Variants in INTS15 observed in about 807,000 individuals in gnomAD.
INTS15 encodes the protein uncharacterized protein C7orf26.
At chr7:6,605,899 A>G in the INTS15 span, among the ~76,000 whole-genome samples, 2 of 152,022 alleles carry the variant, frequency 1.3e-5, no homozygotes, top group African/African-American at 2.4e-5. Context: ...GGTTTTCGCC[A>G]TGTTGGCCAG....
At chr7:6,590,095 C>T in the INTS15 span, 25 of 379,572 alleles carry the variant, frequency 6.6e-5, no homozygotes. Flanking sequence ...CCTTCGGGCG[C>T]CTGCTGGCCG....
the INTS15 span, chr7:6,602,208 C>G: frequency 7.2e-7 from 1 of 1,384,648 alleles, no homozygotes; most frequent in South Asian, 1.2e-5. Flanking sequence ...CAAGACAGGG[C>G]GAGCCCCTTT....
chr7:6,597,204 T>C, the INTS15 span, among the ~76,000 whole-genome samples: 1 of 152,160 alleles, frequency 6.6e-6, no homozygotes, highest in Admixed American at 6.6e-5. Flanking sequence ...GGCTTCCTAA[T>C]TGCTGTTAAC....
chr7:6,598,072 G>C, the INTS15 span, among the ~76,000 whole-genome samples: 2 of 152,188 alleles, frequency 1.3e-5, no homozygotes, highest in Admixed American at 6.5e-5. Context: ...TTTTCTACAG[G>C]CTGGTAGAGA....
At chr7:6,597,858 C>T in the INTS15 span, among the ~76,000 whole-genome samples, 3 of 152,184 alleles carry the variant, frequency 2.0e-5, no homozygotes, top group African/African-American at 7.2e-5. Flanking sequence ...CTTCTGGTAA[C>T]AGGAGAGCAT....
chr7:6,605,468 AC>A, the INTS15 span, among the ~76,000 whole-genome samples: 1 of 152,202 alleles, frequency 6.6e-6, no homozygotes, highest in Non-Finnish European at 1.5e-5. Flanking sequence ...ACAGCAGGAT[AC>A]AAATCCTGTG....
the INTS15 span, among the ~76,000 whole-genome samples, chr7:6,594,784 T>G: frequency 0.86 from 131,459 of 152,072 alleles, 57,598 homozygotes; most frequent in African/African-American, 0.97. Context: ...GCAGTGGTGT[T>G]ATCTCAGCTC....
the INTS15 span, chr7:6,590,563 G>T: frequency 7.1e-7 from 1 of 1,403,566 alleles, no homozygotes; most frequent in African/African-American, 1.5e-5. Context: ...TCAAGCCGCG[G>T]GCGCCCCATG....
chr7:6,591,848 G>T, the INTS15 span: 1 of 1,614,062 alleles, frequency 6.2e-7, no homozygotes, highest in East Asian at 2.2e-5. Context: ...GTGTTGGAGT[G>T]TGCTGCCTCC....
At chr7:6,606,898 A>G in the INTS15 span, among the ~76,000 whole-genome samples, 1 of 151,998 alleles carries the variant, frequency 6.6e-6, no homozygotes, top group African/African-American at 2.4e-5. Flanking sequence ...CTGTGGAGAT[A>G]GGGTCTCACT....
At chr7:6,591,721 G>A in the INTS15 span, 10 of 1,614,042 alleles carry the variant, frequency 6.2e-6, 2 homozygotes, top group South Asian at 8.8e-5. Context: ...CAAGGACTCT[G>A]TTCGGCAGAT....
chr7:6,603,175 G>A, the INTS15 span, among the ~76,000 whole-genome samples: 3 of 151,840 alleles, frequency 2.0e-5, no homozygotes, highest in Non-Finnish European at 4.4e-5. Flanking sequence ...ACTTGAACCC[G>A]GAAGGTGGAG....
chr7:6,608,589 A>C, the INTS15 span: 15 of 993,604 alleles, frequency 1.5e-5, no homozygotes, highest in African/African-American at 2.6e-4. Flanking sequence ...CAGGCTGCGT[A>C]GTGACCACAA....
chr7:6,608,295 T>C, the INTS15 span: 2 of 1,450,802 alleles, frequency 1.4e-6, no homozygotes, highest in East Asian at 2.5e-5. Flanking sequence ...CGTCTTGGTG[T>C]CACGGAGTCC....
At chr7:6,600,881 GC>G in the INTS15 span, among the ~76,000 whole-genome samples, 2 of 152,054 alleles carry the variant, frequency 1.3e-5, no homozygotes, top group Admixed American at 6.6e-5. Flanking sequence ...GTCACCTGGT[GC>G]CACCTCTACC....
At chr7:6,607,561 C>T in the INTS15 span, 1 of 1,335,410 alleles carries the variant, frequency 7.5e-7, no homozygotes, top group Non-Finnish European at 9.9e-7. This position sits in a 1 kb window ranked among gnomAD's most constrained non-coding sequence, Gnocchi z 6.0. Context: ...GGGTCGTTTG[C>T]AAGGCCAGCT....
chr7:6,608,259 G>C, the INTS15 span: 1 of 1,489,510 alleles, frequency 6.7e-7, no homozygotes, highest in South Asian at 1.3e-5. Context: ...GGAAGGGGTC[G>C]GGCAGCCCCT....
chr7:6,591,268 C>CTTT, the INTS15 span, among the ~76,000 whole-genome samples: 7 of 131,778 alleles, frequency 5.3e-5, no homozygotes, highest in East Asian at 1.3e-3. Context: ...TCCTGTTTTT[C>CTTT]TTTTTTTTTT....
the INTS15 span, among the ~76,000 whole-genome samples, chr7:6,598,735 T>TCGTG: frequency 1.2e-5 from 1 of 83,618 alleles, no homozygotes; most frequent in Non-Finnish European, 2.1e-5. Flanking sequence ...GCTGTATGCT[T>TCGTG]TGTGTGTGTG....
Sources: gnomAD v4.1 joint callset for allele counts (sites outside exome capture counted in the v4.1 genomes callset) on GRCh38, gnomAD v4.1.1 for gene constraint, Gnocchi (gnomAD v3.1) non-coding constraint, MANE v1.5 for transcripts, NCBI Gene and HGNC (gene_info 2026-07-23, HGNC 2026-07-21) for gene names.